Variants in MCCC1 observed in about 807,000 individuals in gnomAD.
MCCC1 encodes methylcrotonyl-CoA carboxylase subunit 1.
A neutral mutation model predicts 83.8 loss-of-function variants in MCCC1; 64 were observed. The observed-to-expected ratio is 0.76, with a 90% CI of 0.62 to 0.94. The LOEUF (loss-of-function observed/expected upper bound fraction) is 0.94. Ranked by LOEUF, MCCC1 falls within the 40% of genes least tolerant of loss-of-function variation. The probability of loss-of-function intolerance (pLI) is 0.00; values close to 1 mark genes in which losing one functional copy is unlikely to be tolerated. For missense variants in MCCC1, 807 were observed against 904.7 expected, an observed-to-expected ratio of 0.89 and a Z score of 1.39; for synonymous variants, 322 against 315.4, an observed-to-expected ratio of 1.02 and a Z score of -0.22.
chr3:183,037,542 G>A, intron 12 of MCCC1, 108 bp from the exon 13 acceptor site: 2 of 993,058 alleles, frequency 2.0e-6, no homozygotes, highest in Admixed American at 2.1e-5. Context: ...CAACTCTTAG[G>A]AAAAATAAAA....
Position 183,064,038 on chromosome 3 carries a change from G to T in MCCC1, c.762-6616C>A, listed in dbSNP as rs531334041. The stretch of plus-strand genomic sequence containing the variant: ...TGGGTTTGAAGCCCAACTTAGGAAG[G>T]TTAGATTCCTTCCTAAGATTTAGGG... On this transcript the variant is annotated intron_variant, in intron 7 of 18. Transcript: ENST00000265594. The surrounding 1 kb of genome is among the most constrained non-coding windows in gnomAD (Gnocchi z 4.5). 1.0e-3 allele frequency among the ~76,000 whole-genome samples: 159 copies of T among 152,264 alleles called. No homozygotes were observed. Among genetic ancestry groups the T allele is most frequent in the African/African-American group, 3.7e-3 (152 of 41,538 alleles).
At chr3:183,111,410 C>A (rs144787710) in intron 1 of MCCC1, among the ~76,000 whole-genome samples, 14 of 152,304 alleles carry the variant, frequency 9.2e-5, no homozygotes, top group African/African-American at 3.4e-4. Context: ...AGTGATTCTC[C>A]TGCCTCAGCC....
upstream of MCCC1, among the ~76,000 whole-genome samples, chr3:183,103,344 C>T (rs1560294944): frequency 6.6e-6 from 1 of 152,148 alleles, no homozygotes; most frequent in Non-Finnish European, 1.5e-5. Flanking sequence ...TCTGGCCCCA[C>T]CCACATCCTG....
chr3:183,106,043 C>T (rs935201063), intron 1 of MCCC1, among the ~76,000 whole-genome samples: 13 of 139,776 alleles, frequency 9.3e-5, no homozygotes, highest in Non-Finnish European at 1.5e-5. Context: ...GAGCCCAGAT[C>T]GCGCCATTAC....
intron 18 of MCCC1, 198 bp downstream of exon 18, chr3:183,017,068 C>T: frequency 6.7e-6 from 4 of 596,036 alleles, no homozygotes; most frequent in Non-Finnish European, 1.2e-5. Flanking sequence ...TCAGAAATGA[C>T]AGGTGCAATT....
chr3:183,060,069 C>G (rs547032713), intron 7 of MCCC1, among the ~76,000 whole-genome samples: 1 of 152,288 alleles, frequency 6.6e-6, no homozygotes, highest in East Asian at 1.9e-4. Flanking sequence ...AATATCTCTC[C>G]TGCTGCTTTC....
intron 11 of MCCC1, 67 bp downstream of exon 11, chr3:183,041,500 G>A: frequency 3.3e-6 from 5 of 1,515,388 alleles, no homozygotes; most frequent in Non-Finnish European, 4.6e-6. Flanking sequence ...GGATAAGAAT[G>A]TGTCCAAAAA....
Position 183,071,128 on chromosome 3 carries a change from A to AGAAAAGATGATTAT in MCCC1, c.640-22_640-9dup. On this transcript the variant is annotated splice_polypyrimidine_tract_variant and intron_variant, in intron 6 of 18. Transcript: ENST00000265594. Reference sequence around the variant, plus strand: ...TCTAACAATCCTCATTCCCTAAGAGAGAAAAGATGATTATGACTACAACAT... The same window carrying AGAAAAGATGATTAT: ...TCTAACAATCCTCATTCCCTAAGAGAGAAAAGATGATTATGAAAAGATGATTATGACTACAACAT... 6.2e-7 allele frequency: 1 copy of AGAAAAGATGATTAT among 1,614,168 alleles called. No homozygotes were observed. Among genetic ancestry groups the AGAAAAGATGATTAT allele is most frequent in the South Asian group, 1.1e-5 (1 of 91,082 alleles).
intron 1 of MCCC1, among the ~76,000 whole-genome samples, chr3:183,095,721 G>T (rs762445952): frequency 5.3e-5 from 8 of 152,066 alleles, no homozygotes; most frequent in Non-Finnish European, 8.8e-5. Flanking sequence ...TTTAGCGGTG[G>T]TATCATCCCA....
At chr3:183,092,310 G>A (rs1718416140) in intron 3 of MCCC1, 99 bp downstream of exon 3, 1 of 1,501,986 alleles carries the variant, frequency 6.7e-7, no homozygotes. Context: ...CTTCAACCCT[G>A]ATAACACTAG....
intron 9 of MCCC1, 89 bp from the exon 10 acceptor site, chr3:183,045,629 C>T (rs1028701702): frequency 1.6e-5 from 22 of 1,374,534 alleles, no homozygotes; most frequent in South Asian, 1.1e-4. Context: ...CAAGTTTTAC[C>T]GCTGTCTTCA....
At chr3:183,096,351 T>A (rs977538760) in intron 1 of MCCC1, among the ~76,000 whole-genome samples, 5 of 151,608 alleles carry the variant, frequency 3.3e-5, no homozygotes, top group Admixed American at 1.3e-4. Flanking sequence ...AAAAAATAAA[T>A]AAATAAATAA....
intron 13 of MCCC1, 29 bp from the exon 14 acceptor site, chr3:183,034,106 A>T (rs976792567): frequency 1.4e-6 from 2 of 1,413,552 alleles, no homozygotes; most frequent in African/African-American, 2.8e-5. Context: ...TCAGTAACAA[A>T]CTTATGAGTA....
At chr3:183,055,590 T>C (rs1715357754) in intron 8 of MCCC1, among the ~76,000 whole-genome samples, 1 of 151,938 alleles carries the variant, frequency 6.6e-6, no homozygotes, top group Non-Finnish European at 1.5e-5. Context: ...CATAACTATA[T>C]GTCCACTTAT....
At position 183,041,923 on chromosome 3, in the gene MCCC1, T is replaced by C. The variant is rs114882232; in HGVS notation, c.1084-173A>G. On this transcript the variant is annotated intron_variant, in intron 10 of 18. Coordinates refer to ENST00000265594, the MANE Select transcript of MCCC1 (RefSeq NM_020166.5). The stretch of plus-strand genomic sequence containing the variant: ...TTGAGTATTGGGCAAAACAAAAAAT[T>C]AAAAAACAGATGCAGCTTGGCAACA... Among the ~76,000 whole-genome samples, 554 of 152,282 alleles carry C rather than the reference T, an allele frequency of 3.6e-3. 5 individuals are homozygous for C. The highest frequency in any genetic ancestry group is 0.013 in the African/African-American group (532 of 41,546).
chr3:183,102,760 T>A (rs970340560), upstream of MCCC1, among the ~76,000 whole-genome samples: 1 of 15,242 alleles, frequency 6.6e-5, no homozygotes, highest in Non-Finnish European at 1.3e-4. Flanking sequence ...CAGAGAAAGT[T>A]TTTTTTTTTT....
At chr3:183,105,106 A>C (rs1424337358) in intron 1 of MCCC1, among the ~76,000 whole-genome samples, 1 of 152,214 alleles carries the variant, frequency 6.6e-6, no homozygotes, top group Non-Finnish European at 1.5e-5. Context: ...GCACTTTGGG[A>C]GTCCGAGGCA....
chr3:183,113,270 G>C (rs1719531088), intron 1 of MCCC1, among the ~76,000 whole-genome samples: 1 of 151,528 alleles, frequency 6.6e-6, no homozygotes, highest in Admixed American at 6.6e-5. Flanking sequence ...GGAGCCTGTG[G>C]TTCCAGCTAC....
chr3:183,025,610 G>T (rs971127608), intron 15 of MCCC1, 145 bp downstream of exon 15: 6 of 748,746 alleles, frequency 8.0e-6, no homozygotes, highest in Non-Finnish European at 1.4e-5. Flanking sequence ...CCCAAATTGG[G>T]TCTGAAATAC....
Sources: allele counts gnomAD v4.1 joint callset (sites outside exome capture counted in the v4.1 genomes callset), GRCh38; gene constraint gnomAD v4.1.1; non-coding constraint Gnocchi (gnomAD v3.1); transcripts MANE v1.5; gene names NCBI Gene and HGNC (gene_info 2026-07-23, HGNC 2026-07-21).